Variants in DNAH6 observed in about 807,000 individuals in gnomAD.
The protein encoded by DNAH6 is dynein axonemal heavy chain 6, also known as axonemal beta dynein heavy chain 6.
A neutral mutation model predicts 491.4 loss-of-function variants in DNAH6; 340 were observed. The ratio of observed to expected loss-of-function variants is 0.69; its 90% confidence interval spans 0.63 to 0.76. DNAH6 has a LOEUF of 0.76. Ranked by LOEUF, DNAH6 falls within the 30% of genes least tolerant of loss-of-function variation. The probability of loss-of-function intolerance (pLI) is 0.00; values close to 1 mark genes in which losing one functional copy is unlikely to be tolerated. For synonymous variants in DNAH6, 1,603 were observed against 1,686.1 expected, an observed-to-expected ratio of 0.95 and a Z score of 1.21; for missense variants, 4,443 against 4,972.2, an observed-to-expected ratio of 0.89 and a Z score of 3.20.
Position 84,709,404 on chromosome 2 carries a change from G to A in DNAH6, c.9110G>A (p.Ser3037Asn). Residue 3037 changes from serine to asparagine, a missense_variant, in exon 55 of 77, where the codon AGT becomes AAT. Around this residue, in one of 3 missense-constraint regions of DNAH6, gnomAD observed 1,463 missense variants for 1,656.6 expected, o/e 0.88. Coordinates refer to ENST00000389394, the MANE Select transcript of DNAH6 (RefSeq NM_001370.2). ...GAGATCCCAATCGATCCTTCCTTCA[G>A]TCTCATTAACATTCTTGGAGATCCC... ...SLEIPIDPSFSLINILGDPYE... is the reference protein window; with the variant it reads ...SLEIPIDPSFNLINILGDPYE... 2 of 1,551,644 alleles carry A rather than the reference G, an allele frequency of 1.3e-6. No homozygotes were observed. Among genetic ancestry groups the A allele is most frequent in the Non-Finnish European group, 1.7e-6 (2 of 1,146,998 alleles).
chr2:84,567,371 G>T (rs529699749), intron 11 of DNAH6, among the ~76,000 whole-genome samples: 1 of 152,204 alleles, frequency 6.6e-6, no homozygotes, highest in East Asian at 1.9e-4. Flanking sequence ...AAAGAACAAA[G>T]CTGGAAGCAT....
At chr2:84,715,386 CAT>C (rs1256409619) in intron 57 of DNAH6, among the ~76,000 whole-genome samples, 172 bp from the exon 58 acceptor site, 3 of 152,152 alleles carry the variant, frequency 2.0e-5, no homozygotes, top group Non-Finnish European at 4.4e-5. Flanking sequence ...CAGGGAAAAA[CAT>C]ATGAGGATTT....
At chr2:84,511,273 C>T in the DNAH6 span, among the ~76,000 whole-genome samples, 5 of 152,186 alleles carry the variant, frequency 3.3e-5, no homozygotes, top group Non-Finnish European at 5.9e-5. Flanking sequence ...TCGGCAATGG[C>T]GGGCGCCCCT....
chr2:84,508,213 G>A, the DNAH6 span, among the ~76,000 whole-genome samples: 2 of 152,094 alleles, frequency 1.3e-5, no homozygotes, highest in Non-Finnish European at 2.9e-5. Flanking sequence ...TTTTTTGGTT[G>A]GTAAGCTATT....
chr2:84,702,575 CT>C (rs1696026002), intron 49 of DNAH6, among the ~76,000 whole-genome samples: 2 of 146,128 alleles, frequency 1.4e-5, no homozygotes, highest in African/African-American at 5.1e-5. Flanking sequence ...TGGAGTCTCG[CT>C]CTGTCACCCA....
chr2:84,757,850 G>A (rs565305649), intron 63 of DNAH6, among the ~76,000 whole-genome samples: 13 of 152,112 alleles, frequency 8.5e-5, no homozygotes, highest in South Asian at 8.3e-4. Flanking sequence ...AACTATCACC[G>A]GGACAAATCA....
At chr2:84,814,405 A>G (rs2105345546) in intron 75 of DNAH6, among the ~76,000 whole-genome samples, 1 of 152,342 alleles carries the variant, frequency 6.6e-6, no homozygotes, top group Non-Finnish European at 1.5e-5. Flanking sequence ...TATAGCAAGA[A>G]GTTAAAAGCA....
At chr2:84,677,220 T>C (rs1693326415) in intron 41 of DNAH6, 84 bp downstream of exon 41, 1 of 1,515,048 alleles carries the variant, frequency 6.6e-7, no homozygotes, top group Non-Finnish European at 8.9e-7. Context: ...TGGTGTCTTG[T>C]GTTTCTAAGG....
At chr2:84,783,332 C>G (rs1159741119) in intron 65 of DNAH6, among the ~76,000 whole-genome samples, 1 of 152,130 alleles carries the variant, frequency 6.6e-6, no homozygotes, top group Non-Finnish European at 1.5e-5. Context: ...TAGTCCAGCC[C>G]TAAAATTCTA....
chr2:84,547,345 G>C lies in DNAH6; in HGVS notation c.1008G>C (p.Lys336Asn). 2 of 1,551,600 alleles carry C rather than the reference G, an allele frequency of 1.3e-6. No individual in the cohort carries two copies. Among genetic ancestry groups the C allele is most frequent in the Non-Finnish European group, 1.7e-6 (2 of 1,146,912 alleles). The change falls in exon 6 of 77, where the codon AAG (lysine) becomes AAC (asparagine). Residue 336 changes from lysine to asparagine, a missense_variant. Lys to Asn is a moderately conservative substitution (Grantham distance 94, BLOSUM62 0). Around this residue, in one of 3 missense-constraint regions of DNAH6, gnomAD observed 2,977 missense variants for 3,296.6 expected, o/e 0.90. Coordinates refer to ENST00000389394, the MANE Select transcript of DNAH6 (RefSeq NM_001370.2). ...LSFMGLCYIE[K>N]CHTYTLQEFK... Reference sequence around the variant, plus strand: ...TTATGGGACTTTGTTATATTGAAAAGTGTCACACCTACACCCTGCAGGAAT... The same window carrying C: ...TTATGGGACTTTGTTATATTGAAAACTGTCACACCTACACCCTGCAGGAAT...
chr2:84,569,290 T>C (rs1346478172), intron 11 of DNAH6, among the ~76,000 whole-genome samples: 1 of 151,924 alleles, frequency 6.6e-6, no homozygotes, highest in African/African-American at 2.4e-5. Context: ...AGAATATCTA[T>C]AGTATACTAT....
At chr2:84,814,199 C>T (rs766169574) in intron 75 of DNAH6, 77 bp downstream of exon 75, 638 of 1,413,974 alleles carry the variant, frequency 4.5e-4, no homozygotes, top group Non-Finnish European at 5.7e-4. Context: ...CCTTCCATGC[C>T]CCACTCCCCC....
At chr2:84,636,672 T>C (rs971505874) in intron 30 of DNAH6, among the ~76,000 whole-genome samples, 2 of 152,168 alleles carry the variant, frequency 1.3e-5, no homozygotes, top group Non-Finnish European at 2.9e-5. Flanking sequence ...TGGAATTTCT[T>C]GGGGAATACC....
At chr2:84,535,852 G>A (rs952764324) in intron 4 of DNAH6, among the ~76,000 whole-genome samples, 109 of 152,000 alleles carry the variant, frequency 7.2e-4, no homozygotes, top group African/African-American at 2.4e-3. Context: ...AGTCTCTGAG[G>A]TGAAATGTCT....
At chr2:84,485,497 T>G in the DNAH6 span, among the ~76,000 whole-genome samples, 1 of 152,136 alleles carries the variant, frequency 6.6e-6, no homozygotes, top group East Asian at 1.9e-4. Flanking sequence ...ATCTGGACTC[T>G]AGATGTTTTC....
At chr2:84,495,997 G>T in the DNAH6 span, among the ~76,000 whole-genome samples, 2 of 152,116 alleles carry the variant, frequency 1.3e-5, no homozygotes, top group Non-Finnish European at 1.5e-5. Context: ...ATTAACTCCC[G>T]TATAAATTAT....
chr2:84,554,149 AC>A (rs571002185), intron 10 of DNAH6, among the ~76,000 whole-genome samples: 403 of 152,338 alleles, frequency 2.6e-3, no homozygotes, highest in Admixed American at 5.4e-3. Context: ...GGGCAGATGG[AC>A]CACTCTCTTA....
chr2:84,673,108 A>G (rs976447260), intron 40 of DNAH6, among the ~76,000 whole-genome samples: 2 of 152,072 alleles, frequency 1.3e-5, no homozygotes, highest in African/African-American at 4.8e-5. Flanking sequence ...AGGATGGGAG[A>G]AGCCTCCCAG....
Position 84,704,099 on chromosome 2 carries a change from A to C in DNAH6, c.8262A>C (p.Thr2754=), listed in dbSNP as rs1430002877. ...VRNTVQEDEA[T]AKVKAEETQA... ...ACACTGTGCAGGAGGATGAAGCAAC[A>C]GCAAAAGTCAAAGCTGAAGAAACCC... is the stretch of plus-strand genomic sequence containing the variant. The change falls in exon 51 of 77, where the codon ACA becomes ACC. Residue 2754 remains threonine, a synonymous_variant. Transcript: ENST00000389394. 6.4e-7 allele frequency: 1 copy of C among 1,551,690 alleles called. No homozygotes were observed. Among genetic ancestry groups the C allele is most frequent in the Non-Finnish European group, 8.7e-7 (1 of 1,147,008 alleles).
Sources: gnomAD v4.1 joint callset for allele counts (sites outside exome capture counted in the v4.1 genomes callset) on GRCh38, gnomAD v4.1.1 for gene constraint, gnomAD v4.1.1 regional missense constraint, MANE v1.5 for transcripts, NCBI Gene and HGNC (gene_info 2026-07-23, HGNC 2026-07-21) for gene names.